The following CSTPP1 variants were observed in gnomAD, a reference collection of about 807,000 sequenced individuals.
CSTPP1 encodes UPF0705 protein C11orf49.
At chr11:47,009,561 C>T in the CSTPP1 span, among the ~76,000 whole-genome samples, 3 of 152,112 alleles carry the variant, frequency 2.0e-5, no homozygotes, top group African/African-American at 7.2e-5. Context: ...CTTTGGGAGG[C>T]CAAGGCGGGA....
the CSTPP1 span, chr11:47,157,762 A>C: frequency 6.5e-7 from 1 of 1,546,386 alleles, no homozygotes; most frequent in Non-Finnish European, 8.9e-7. Flanking sequence ...ATGGATGCAG[A>C]GGTGGCCCTG....
At chr11:47,148,934 G>C in the CSTPP1 span, among the ~76,000 whole-genome samples, 1 of 152,262 alleles carries the variant, frequency 6.6e-6, no homozygotes. Flanking sequence ...CACTAGACCA[G>C]GGAAACTGAC....
chr11:47,120,635 G>A, the CSTPP1 span, among the ~76,000 whole-genome samples: 12 of 152,146 alleles, frequency 7.9e-5, no homozygotes, highest in Non-Finnish European at 1.0e-4. This position sits in a 1 kb window ranked among gnomAD's most constrained non-coding sequence, Gnocchi z 4.2. Flanking sequence ...AAAAGCATGC[G>A]CTTTGGAATC....
chr11:46,973,659 A>ACAGTATTTT, the CSTPP1 span, among the ~76,000 whole-genome samples: 16 of 152,152 alleles, frequency 1.1e-4, no homozygotes, highest in African/African-American at 3.9e-4. Flanking sequence ...GAAAATCCAC[A>ACAGTATTTT]CAGTATTTTG....
chr11:47,005,304 C>A, the CSTPP1 span, among the ~76,000 whole-genome samples: 3 of 152,062 alleles, frequency 2.0e-5, no homozygotes, highest in Non-Finnish European at 2.9e-5. Context: ...TTTTCTTCAT[C>A]CCTTTACAAA....
the CSTPP1 span, among the ~76,000 whole-genome samples, chr11:47,086,481 A>G: frequency 1.3e-5 from 2 of 151,768 alleles, no homozygotes; most frequent in South Asian, 2.1e-4. Context: ...TTTATTGAAG[A>G]TGGAGACAGA....
chr11:47,084,236 C>T, the CSTPP1 span, among the ~76,000 whole-genome samples: 3 of 152,076 alleles, frequency 2.0e-5, no homozygotes, highest in African/African-American at 4.8e-5. Flanking sequence ...AAATATTTTG[C>T]CCAATTTTTA....
the CSTPP1 span, among the ~76,000 whole-genome samples, chr11:46,959,227 G>A: frequency 4.0e-4 from 60 of 150,278 alleles, 1 homozygote; most frequent in Middle Eastern, 3.4e-3. Flanking sequence ...TGTGAATGTC[G>A]TCTACATTTT....
chr11:47,071,438 A>C, the CSTPP1 span, among the ~76,000 whole-genome samples: 2 of 152,230 alleles, frequency 1.3e-5, no homozygotes, highest in African/African-American at 4.8e-5. Context: ...TAGATTTGAT[A>C]ACCGACTGGA....
chr11:46,936,860 C>G, the CSTPP1 span: 1 of 1,577,120 alleles, frequency 6.3e-7, no homozygotes, highest in African/African-American at 1.4e-5. Context: ...GGGTAGGAAC[C>G]CCCTTTAACT....
the CSTPP1 span, among the ~76,000 whole-genome samples, chr11:47,015,477 A>G: frequency 6.6e-6 from 1 of 151,742 alleles, no homozygotes; most frequent in Non-Finnish European, 1.5e-5. Context: ...CGTCTCAAAA[A>G]CAAACAAACA....
the CSTPP1 span, among the ~76,000 whole-genome samples, chr11:46,958,521 G>C: frequency 2.6e-5 from 4 of 152,020 alleles, no homozygotes; most frequent in African/African-American, 9.7e-5. Context: ...TATTGTCCAG[G>C]CTGGTCTTGA....
chr11:47,068,732 T>A, the CSTPP1 span, among the ~76,000 whole-genome samples: 3 of 152,158 alleles, frequency 2.0e-5, no homozygotes, highest in Admixed American at 2.0e-4. Context: ...ATTTTATAAT[T>A]ATCAAGCATT....
the CSTPP1 span, among the ~76,000 whole-genome samples, chr11:47,063,394 C>T: frequency 6.6e-6 from 1 of 152,130 alleles, no homozygotes; most frequent in East Asian, 1.9e-4. Flanking sequence ...AGTACATTCA[C>T]AGTGTTGTGC....
chr11:47,023,538 C>T, the CSTPP1 span: 1 of 152,166 alleles, frequency 6.6e-6, no homozygotes. Flanking sequence ...CACTGTCATC[C>T]ACCTCCATAA....
the CSTPP1 span, among the ~76,000 whole-genome samples, chr11:47,127,176 A>G: frequency 6.6e-6 from 1 of 152,160 alleles, no homozygotes; most frequent in Non-Finnish European, 1.5e-5. Flanking sequence ...TCCAGGAACT[A>G]CCACTTATGC....
chr11:47,156,483 T>C, the CSTPP1 span, among the ~76,000 whole-genome samples: 1 of 152,236 alleles, frequency 6.6e-6, no homozygotes, highest in South Asian at 2.1e-4. Context: ...TTTCAGGCTT[T>C]CTCTGTTCCT....
At chr11:46,955,366 T>G in the CSTPP1 span, among the ~76,000 whole-genome samples, 1 of 151,840 alleles carries the variant, frequency 6.6e-6, no homozygotes, top group Non-Finnish European at 1.5e-5. Context: ...TTGTTGTTTT[T>G]TTGTTTTTTT....
At chr11:47,013,669 T>C in the CSTPP1 span, among the ~76,000 whole-genome samples, 3 of 152,228 alleles carry the variant, frequency 2.0e-5, no homozygotes, top group African/African-American at 7.2e-5. Context: ...TTTGGGTTGA[T>C]TCTATGTCTT....
Sources: allele counts gnomAD v4.1 joint callset (sites outside exome capture counted in the v4.1 genomes callset), GRCh38; gene constraint gnomAD v4.1.1; non-coding constraint Gnocchi (gnomAD v3.1); transcripts MANE v1.5; gene names NCBI Gene and HGNC (gene_info 2026-07-23, HGNC 2026-07-21).